Variants in TRIM40 observed in about 807,000 individuals in gnomAD.
TRIM40 encodes tripartite motif containing 40, also known as E3 ubiquitin ligase TRIM40.
Under a neutral mutation model 26.1 loss-of-function variants are expected in TRIM40, and 27 were observed. The observed-to-expected ratio is 1.04, with a 90% CI of 0.76 to 1.43. The LOEUF (loss-of-function observed/expected upper bound fraction) is 1.43. TRIM40 is among the 40% of genes most tolerant of loss of function. The probability of loss-of-function intolerance (pLI) is 0.00; values close to 1 mark genes in which losing one functional copy is unlikely to be tolerated. For missense variants in TRIM40, 289 were observed against 307.9 expected (o/e 0.94, Z 0.46); for synonymous variants, 114 against 120.0 (o/e 0.95, Z 0.33).
rs1277744680 is a variant in TRIM40, at chr6:30,148,627, C to A, written c.*815C>A. The A allele has an allele frequency of 6.6e-6, 1 of 152,212 alleles. No individual in the cohort carries two copies. The highest frequency in any genetic ancestry group is 2.4e-5 in the African/African-American group (1 of 41,416). 9.4% of individuals were successfully genotyped at this position (152,212 alleles called of 1,614,324 possible). A position where few individuals can be genotyped will look rare whatever the true frequency, so the allele number is the denominator to read the frequency against. On this transcript the variant is annotated 3_prime_UTR_variant, in exon 6 of 6. Transcript: ENST00000396581. ...GGATAAGAACCTAGTCCAGCCAACA[C>A]CTTGATTATAGTCTTGTGAGTACCT...
intron 5 of TRIM40, 42 bp from the exon 6 acceptor site, chr6:30,147,683 T>C: frequency 6.2e-7 from 1 of 1,609,412 alleles, no homozygotes; most frequent in Non-Finnish European, 8.5e-7. Flanking sequence ...CAATGGAATA[T>C]ATGAATACAT....
chr6:30,147,918 G>A lies in TRIM40; in HGVS notation c.*106G>A. The A allele has an allele frequency of 1.1e-6, 1 of 884,436 alleles. No homozygotes were observed. Among genetic ancestry groups the A allele is most frequent in the Non-Finnish European group, 1.9e-6 (1 of 537,520 alleles). The allele number at this position is 884,436 out of a possible 1,614,324, so 54.8% of individuals were successfully genotyped here. A position where few individuals can be genotyped will look rare whatever the true frequency, so the allele number is the denominator to read the frequency against. ...CTGGGTCTACCCAGTGCATCTTCGG[G>A]CCTGCCAGCTCCTGAACATGTCACC... On this transcript the variant is annotated 3_prime_UTR_variant, in exon 6 of 6. Coordinates refer to ENST00000396581, the MANE Select transcript of TRIM40 (RefSeq NM_001286633.2).
At chr6:30,144,503 G>A (rs1162685766) in intron 2 of TRIM40, among the ~76,000 whole-genome samples, 1 of 152,188 alleles carries the variant, frequency 6.6e-6, no homozygotes, top group Non-Finnish European at 1.5e-5. Context: ...GGAAAGCTAA[G>A]GACATAGTCT....
Position 30,147,188 on chromosome 6 carries a change from AT to A in TRIM40, c.647del (p.Leu216Ter), listed in dbSNP as rs1207850953. On this transcript the variant is annotated frameshift_variant, in exon 4 of 6. Coordinates refer to ENST00000396581, the MANE Select transcript of TRIM40 (RefSeq NM_001286633.2). LOFTEE classifies it low-confidence loss of function (END_TRUNC). ...VIDLERTAKE[L>X]DTNTLKNAGD... ...TTGATCTGGAAAGGACGGCCAAGGAATTAGACACCAACACACTGAAGGTGCA... is the reference window on the plus strand; with the variant it reads ...TTGATCTGGAAAGGACGGCCAAGGAATAGACACCAACACACTGAAGGTGCA... 1 of 1,614,232 alleles carries A rather than the reference AT, an allele frequency of 6.2e-7. No homozygotes were observed. The highest frequency in any genetic ancestry group is 1.7e-5 in the Admixed American group (1 of 60,036).
chr6:30,147,529 G>A lies in TRIM40; in HGVS notation c.676G>A (p.Asp226Asn), dbSNP rs752929677. 1.9e-6 allele frequency: 3 copies of A among 1,614,142 alleles called. No homozygotes were observed. The highest frequency in any genetic ancestry group is 2.5e-6 in the Non-Finnish European group (3 of 1,180,042). ...TTTTTCTCTCTCCTAGAATGCTGGT[G>A]ACTTACTGAACAGGTACGAGCTGTC... ...LDTNTLKNAG[D>N]LLNRSAPQKL... Residue 226 changes from aspartate to asparagine, a missense_variant, in exon 5 of 6, where the codon GAC (aspartate) becomes AAC (asparagine). By Grantham distance (23) the Asp-to-Asn change is conservative (BLOSUM62 1). Coordinates refer to ENST00000396581, the MANE Select transcript of TRIM40 (RefSeq NM_001286633.2).
intron 3 of TRIM40, 141 bp from the exon 4 acceptor site, chr6:30,146,844 G>A: frequency 1.3e-6 from 1 of 787,964 alleles, no homozygotes; most frequent in Non-Finnish European, 2.0e-6. Context: ...AGCTGCTTCT[G>A]CTATACCTGT....
chr6:30,139,345 T>C (rs890386787), intron 2 of TRIM40, among the ~76,000 whole-genome samples: 41 of 141,046 alleles, frequency 2.9e-4, no homozygotes, highest in Non-Finnish European at 4.7e-4. Context: ...TTTTCTTTTT[T>C]TTTTTTTTTT....
intron 2 of TRIM40, among the ~76,000 whole-genome samples, chr6:30,144,307 T>G (rs1458624959): frequency 1.3e-5 from 2 of 151,988 alleles, no homozygotes; most frequent in Non-Finnish European, 2.9e-5. Context: ...GTCAGAAACA[T>G]GAAGGTCAAG....
intron 2 of TRIM40, among the ~76,000 whole-genome samples, chr6:30,142,156 T>C (rs1170588224): frequency 1.3e-5 from 2 of 152,222 alleles, no homozygotes; most frequent in Non-Finnish European, 1.5e-5. Flanking sequence ...TTAAACTTTG[T>C]AGTTAAGTAT....
At chr6:30,142,080 C>T (rs58050171) in intron 2 of TRIM40, among the ~76,000 whole-genome samples, 1 of 150,264 alleles carries the variant, frequency 6.7e-6, no homozygotes. Context: ...ATATTGACAG[C>T]GTAATTTTGA....
At chr6:30,142,660 T>C (rs1269140790) in intron 2 of TRIM40, among the ~76,000 whole-genome samples, 2 of 152,176 alleles carry the variant, frequency 1.3e-5, no homozygotes, top group Non-Finnish European at 2.9e-5. Flanking sequence ...TGTGCTGCTC[T>C]GTTTTATTTT....
At position 30,147,023 on chromosome 6, in the gene TRIM40, G is replaced by A. The variant is rs1162930314; in HGVS notation, c.480G>A (p.Gly160=). The A allele has an allele frequency of 3.1e-6, 5 of 1,610,184 alleles. No homozygotes were observed. The highest frequency in any genetic ancestry group is 4.2e-6 in the Non-Finnish European group (5 of 1,178,668). ...VDHGNHRLEA[G]PESQHQTREQ... Reference sequence around the variant, plus strand: ...ACGGGAACCACAGGCTGGAGGCTGGGCCGGAGAGCCAGCACCAAACCAGGG... The same window carrying A: ...ACGGGAACCACAGGCTGGAGGCTGGACCGGAGAGCCAGCACCAAACCAGGG... The change falls in exon 4 of 6, where the codon GGG becomes GGA. Residue 160 remains glycine (G), a synonymous_variant. Transcript: ENST00000396581.
At chr6:30,146,497 C>T (rs546363618) in intron 3 of TRIM40, among the ~76,000 whole-genome samples, 32 of 152,142 alleles carry the variant, frequency 2.1e-4, no homozygotes, top group Non-Finnish European at 4.4e-4. Flanking sequence ...CTGCAAGCTC[C>T]GCCTCCCGGG....
chr6:30,146,606 T>C (rs957166520), intron 3 of TRIM40, among the ~76,000 whole-genome samples: 1 of 152,002 alleles, frequency 6.6e-6, no homozygotes, highest in African/African-American at 2.4e-5. Context: ...AGAGATGGGG[T>C]TTCACCATGT....
intron 2 of TRIM40, 56 bp from the exon 3 acceptor site, chr6:30,145,938 C>G: frequency 7.0e-7 from 1 of 1,421,260 alleles, no homozygotes. Flanking sequence ...TTGACTCCTC[C>G]CAGTGGGTGC....
Position 30,136,865 on chromosome 6 carries a change from G to T in TRIM40, c.-172G>T, listed in dbSNP as rs1212382232. 1.6e-5 allele frequency: 10 copies of T among 623,148 alleles called. No individual in the cohort carries two copies. The highest frequency in any genetic ancestry group is 8.8e-5 in the Admixed American group (3 of 33,910). The allele number at this position is 623,148 out of a possible 1,614,324, so 38.6% of individuals were successfully genotyped here. On this transcript the variant is annotated 5_prime_UTR_variant, in exon 2 of 6. Coordinates refer to ENST00000396581, the MANE Select transcript of TRIM40 (RefSeq NM_001286633.2). ...TCTATGTCACGGCACCCTTGAGGGA[G>T]AGTGGGCAATTGCCTGAACTTGGAG...
In TRIM40 at chr6:30,141,478, G is replaced by A. The variant is rs1581534041; in HGVS notation, c.345+4097G>A. Among the ~76,000 whole-genome samples the A allele has an allele frequency of 2.6e-5, 4 of 152,348 alleles. No individual in the cohort carries two copies. The East Asian group carries it at 7.7e-4, about 29-fold the overall frequency. On this transcript the variant is annotated intron_variant, in intron 2 of 5. Coordinates refer to ENST00000396581, the MANE Select transcript of TRIM40 (RefSeq NM_001286633.2). Reference sequence around the variant, plus strand: ...GAGGACCCAGCAAAGGAGACAGGATGAGTTGCCAGAAAGGCAGGAGAAAAA... The same window carrying A: ...GAGGACCCAGCAAAGGAGACAGGATAAGTTGCCAGAAAGGCAGGAGAAAAA...
At chr6:30,137,522 C>A (rs1356745714) in intron 2 of TRIM40, 141 bp downstream of exon 2, 3 of 741,014 alleles carry the variant, frequency 4.0e-6, no homozygotes, top group African/African-American at 1.8e-5. Flanking sequence ...CTGTTTTGGA[C>A]CCTTGTCTTG....
At chr6:30,147,578 T>C (rs570099837) in intron 5 of TRIM40, 36 bp downstream of exon 5, 7 of 1,614,068 alleles carry the variant, frequency 4.3e-6, no homozygotes, top group Non-Finnish European at 5.9e-6. Flanking sequence ...CACATGTGCA[T>C]ATAAACCCAC....
Sources: allele counts gnomAD v4.1 joint callset (sites outside exome capture counted in the v4.1 genomes callset), GRCh38; gene constraint gnomAD v4.1.1; transcripts MANE v1.5; gene names NCBI Gene and HGNC (gene_info 2026-07-23, HGNC 2026-07-21).